The following GNAQ variants were observed in gnomAD, a reference collection of about 807,000 sequenced individuals.
GNAQ encodes the protein guanine nucleotide-binding protein G(q) subunit alpha.
In GNAQ, 8 loss-of-function variants were observed where a neutral mutation model predicts 43.9. The ratio of observed to expected loss-of-function variants is 0.18; its 90% confidence interval spans 0.11 to 0.33. The LOEUF (loss-of-function observed/expected upper bound fraction) is 0.33. GNAQ is among the 10% of genes least tolerant of loss of function. The probability of loss-of-function intolerance (pLI) is 1.00; values close to 1 mark genes in which losing one functional copy is unlikely to be tolerated. For synonymous variants in GNAQ, 155 were observed against 170.7 expected (o/e 0.91, Z 0.71); for missense variants, 158 against 450.8 (o/e 0.35, Z 5.88).
At chr9:77,873,456 T>C (rs548552115) in intron 2 of GNAQ, among the ~76,000 whole-genome samples, 1 of 152,324 alleles carries the variant, frequency 6.6e-6, no homozygotes, top group African/African-American at 2.4e-5. Context: ...TGAAAGCATA[T>C]ATAGGAATCC....
intron 2 of GNAQ, among the ~76,000 whole-genome samples, chr9:77,826,396 G>T (rs1039135830): frequency 2.0e-5 from 3 of 152,158 alleles, no homozygotes; most frequent in African/African-American, 7.2e-5. Flanking sequence ...ACTCCTACCA[G>T]TGGGCATTTT....
chr9:77,991,703 T>C (rs1309066099), intron 1 of GNAQ, among the ~76,000 whole-genome samples: 3 of 152,124 alleles, frequency 2.0e-5, no homozygotes, highest in African/African-American at 7.2e-5. Context: ...TATGCAGTCT[T>C]TTATCCCTCA....
intron 1 of GNAQ, among the ~76,000 whole-genome samples, chr9:77,991,240 G>C (rs943165031): frequency 6.6e-6 from 1 of 152,198 alleles, no homozygotes; most frequent in African/African-American, 2.4e-5. Flanking sequence ...AGCTCGTGTG[G>C]TAACATCGAA....
Position 77,720,129 on chromosome 9 carries a change from T to A in GNAQ, c.*1194A>T, listed in dbSNP as rs1289009525. 1.7e-5 allele frequency: 4 copies of A among 232,934 alleles called. No homozygotes were observed. Among genetic ancestry groups the A allele is most frequent in the African/African-American group, 8.8e-5 (4 of 45,326 alleles). The allele number at this position is 232,934 out of a possible 1,614,324, so 14.4% of individuals were successfully genotyped here. Reference sequence around the variant, plus strand: ...GAACATGGGACGTGAACACTAACAATGTCATCTTAAGGACAAAGAAAAGAA... The same window carrying A: ...GAACATGGGACGTGAACACTAACAAAGTCATCTTAAGGACAAAGAAAAGAA... On this transcript the variant is annotated 3_prime_UTR_variant, in exon 7 of 7. Transcript: ENST00000286548.
At chr9:77,946,601 T>A (rs17063987) in intron 1 of GNAQ, among the ~76,000 whole-genome samples, 9,763 of 152,046 alleles carry the variant, frequency 0.064, 350 homozygotes, top group African/African-American at 0.083. Context: ...GAAAAACCAG[T>A]CTCTTCAAAT....
chr9:77,756,140 G>C (rs1825899506), intron 5 of GNAQ, among the ~76,000 whole-genome samples: 2 of 152,304 alleles, frequency 1.3e-5, no homozygotes, highest in African/African-American at 4.8e-5. Context: ...TTCAGCTTTG[G>C]AACTCGGACT....
At chr9:77,882,198 T>G (rs943228289) in intron 2 of GNAQ, among the ~76,000 whole-genome samples, 3 of 152,156 alleles carry the variant, frequency 2.0e-5, no homozygotes, top group Admixed American at 6.5e-5. Flanking sequence ...GGCCATAGCT[T>G]TATACATAAT....
At chr9:77,941,065 T>C (rs1030880326) in intron 1 of GNAQ, among the ~76,000 whole-genome samples, 1 of 152,158 alleles carries the variant, frequency 6.6e-6, no homozygotes, top group Admixed American at 6.5e-5. Flanking sequence ...GCTTCACAAG[T>C]ATTAAAAGAA....
chr9:77,721,960 C>G (rs548032247), intron 6 of GNAQ, among the ~76,000 whole-genome samples: 1 of 152,266 alleles, frequency 6.6e-6, no homozygotes, highest in East Asian at 1.9e-4. Context: ...TATTATGGAT[C>G]ATTTTACATC....
intron 5 of GNAQ, among the ~76,000 whole-genome samples, chr9:77,764,750 C>T (rs1347451072): frequency 6.6e-6 from 1 of 152,120 alleles, no homozygotes; most frequent in Non-Finnish European, 1.5e-5. Flanking sequence ...CCACCGCGCC[C>T]AGCCGAAAAG....
intron 5 of GNAQ, among the ~76,000 whole-genome samples, chr9:77,757,191 G>C (rs1010140645): frequency 3.3e-5 from 5 of 152,106 alleles, no homozygotes; most frequent in Non-Finnish European, 5.9e-5. Flanking sequence ...AACATAAACT[G>C]CTGAAAATCT....
At chr9:77,953,244 G>C (rs1383725597) in intron 1 of GNAQ, among the ~76,000 whole-genome samples, 2 of 152,168 alleles carry the variant, frequency 1.3e-5, no homozygotes, top group African/African-American at 4.8e-5. Flanking sequence ...AGGAAATGTA[G>C]GACCAGGTCT....
At chr9:77,879,347 T>C (rs1024914766) in intron 2 of GNAQ, among the ~76,000 whole-genome samples, 1 of 152,104 alleles carries the variant, frequency 6.6e-6, no homozygotes. Context: ...CACTGCAACC[T>C]CCGCCTCCCG....
At position 77,864,372 on chromosome 9, in the gene GNAQ, T is replaced by C. The variant is rs118083712; in HGVS notation, c.322-48602A>G. On this transcript the variant is annotated intron_variant, in intron 2 of 6. Transcript: ENST00000286548. ...GGCCAAACAAACCATATCCAAACCA[T>C]AGCAGTTGCTTTACATAGCAAAGGG... Among the ~76,000 whole-genome samples the C allele has an allele frequency of 1.1e-4, 17 of 152,202 alleles. 1 individual carries two copies. In the East Asian group the frequency reaches 2.3e-3, roughly 21 times the overall value.
chr9:78,010,244 G>C (rs1823757533), intron 1 of GNAQ, among the ~76,000 whole-genome samples: 1 of 152,170 alleles, frequency 6.6e-6, no homozygotes, highest in South Asian at 2.1e-4. Flanking sequence ...AAGGAAGAAA[G>C]CCATCCCCAA....
intron 1 of GNAQ, among the ~76,000 whole-genome samples, chr9:77,935,418 T>G (rs1034421020): frequency 6.6e-6 from 1 of 152,190 alleles, no homozygotes; most frequent in African/African-American, 2.4e-5. Flanking sequence ...AGGAAATCAG[T>G]TGGGTTCTCA....
At chr9:77,770,873 A>G (rs1315156578) in intron 5 of GNAQ, among the ~76,000 whole-genome samples, 1 of 152,214 alleles carries the variant, frequency 6.6e-6, no homozygotes, top group Admixed American at 6.5e-5. Flanking sequence ...AGCAAAGATA[A>G]CACTGCTTAA....
At chr9:77,735,142 G>A (rs944500901) in intron 5 of GNAQ, among the ~76,000 whole-genome samples, 4 of 152,096 alleles carry the variant, frequency 2.6e-5, no homozygotes, top group Admixed American at 6.5e-5. Flanking sequence ...ATTCATACAA[G>A]ACCGTTTTAA....
At chr9:77,730,043 A>G (rs1456095514) in intron 5 of GNAQ, among the ~76,000 whole-genome samples, 1 of 152,234 alleles carries the variant, frequency 6.6e-6, no homozygotes, top group African/African-American at 2.4e-5. Flanking sequence ...GCCATCTTGA[A>G]AAGTGAGTGA....
Sources: allele counts gnomAD v4.1 joint callset (sites outside exome capture counted in the v4.1 genomes callset), GRCh38; gene constraint gnomAD v4.1.1; transcripts MANE v1.5; gene names NCBI Gene and HGNC (gene_info 2026-07-23, HGNC 2026-07-21).